Variants in THSD7B observed in about 807,000 individuals in gnomAD.
THSD7B encodes thrombospondin type 1 domain containing 7B.
Under a neutral mutation model 213.6 loss-of-function variants are expected in THSD7B, and 138 were observed. That is an observed-to-expected ratio of 0.65 (90% CI 0.56 to 0.74). The LOEUF (loss-of-function observed/expected upper bound fraction) is 0.74, where lower values mean the gene tolerates loss of function less well. Among genes scored for constraint, THSD7B ranks in the 30% least tolerant of loss-of-function variants. THSD7B has a pLI of 0.00. For missense variants in THSD7B, 1,931 were observed against 1,991.5 expected (o/e 0.97, Z 0.58); for synonymous variants, 742 against 687.0 (o/e 1.08, Z -1.25).
intron 12 of THSD7B, among the ~76,000 whole-genome samples, chr2:137,363,668 C>A (rs1190833215): frequency 2.0e-5 from 3 of 152,158 alleles, no homozygotes; most frequent in African/African-American, 7.2e-5. Flanking sequence ...AACACATACA[C>A]CCTCCCAAGG....
intron 2 of THSD7B, among the ~76,000 whole-genome samples, chr2:137,018,011 G>C (rs148994718): frequency 1.3e-5 from 2 of 150,490 alleles, no homozygotes; most frequent in African/African-American, 4.9e-5. Context: ...AGCTTCTTTG[G>C]AGTTGATCCT....
At chr2:137,023,692 G>A (rs1004505612) in intron 2 of THSD7B, among the ~76,000 whole-genome samples, 6 of 145,372 alleles carry the variant, frequency 4.1e-5, no homozygotes, top group African/African-American at 7.4e-5. Context: ...TAAAAGGCCC[G>A]AGGACAGGAG....
intron 3 of THSD7B, among the ~76,000 whole-genome samples, chr2:137,064,146 T>C (rs1306328959): frequency 6.6e-6 from 1 of 151,992 alleles, no homozygotes; most frequent in African/African-American, 2.4e-5. Flanking sequence ...ATTCCCTTTT[T>C]TCCACATCCT....
chr2:137,216,281 AC>A (rs1487860310), intron 7 of THSD7B, among the ~76,000 whole-genome samples: 2 of 4,184 alleles, frequency 4.8e-4, no homozygotes, highest in South Asian at 0.018. Context: ...CCCGCCCCCC[AC>A]CCCCCTGCAT....
At chr2:137,089,319 C>CAT (rs149556455) in intron 3 of THSD7B, among the ~76,000 whole-genome samples, 16 of 115,260 alleles carry the variant, frequency 1.4e-4, no homozygotes, top group South Asian at 1.3e-3. Flanking sequence ...TGTATATATA[C>CAT]ATATATGTGT....
At chr2:137,055,374 C>T (rs777567792) in intron 2 of THSD7B, among the ~76,000 whole-genome samples, 11 of 152,154 alleles carry the variant, frequency 7.2e-5, no homozygotes, top group Admixed American at 2.0e-4. Context: ...CACTGTCTTT[C>T]ACTATGGTTG....
At chr2:137,289,169 GT>G (rs1214319008) in intron 12 of THSD7B, among the ~76,000 whole-genome samples, 3 of 151,404 alleles carry the variant, frequency 2.0e-5, no homozygotes, top group African/African-American at 7.3e-5. Flanking sequence ...TACAAGACAT[GT>G]TTTTTTTAAA....
intron 2 of THSD7B, among the ~76,000 whole-genome samples, chr2:137,006,583 C>T (rs1686117780): frequency 6.6e-6 from 1 of 152,174 alleles, no homozygotes; most frequent in Non-Finnish European, 1.5e-5. Flanking sequence ...CCTGTTCACA[C>T]TCCATTATCA....
At chr2:137,448,352 A>G (rs573963419) in intron 14 of THSD7B, among the ~76,000 whole-genome samples, 139 of 152,298 alleles carry the variant, frequency 9.1e-4, no homozygotes, top group African/African-American at 3.1e-3. Context: ...TGAAGCAGGG[A>G]GGCTAAGCTG....
intron 7 of THSD7B, among the ~76,000 whole-genome samples, chr2:137,195,097 G>A (rs1680731065): frequency 6.6e-6 from 1 of 151,858 alleles, no homozygotes; most frequent in Non-Finnish European, 1.5e-5. Flanking sequence ...AATAATAAGG[G>A]ACCCTGTTCA....
At chr2:136,870,334 G>T (rs192019192) in intron 1 of THSD7B, among the ~76,000 whole-genome samples, 2 of 152,106 alleles carry the variant, frequency 1.3e-5, no homozygotes, top group Non-Finnish European at 2.9e-5. Context: ...AAACTTCCTC[G>T]AAAAAATTAT....
chr2:137,109,655 CTCCT>C (rs1688312616), intron 4 of THSD7B, among the ~76,000 whole-genome samples: 1 of 152,120 alleles, frequency 6.6e-6, no homozygotes, highest in Non-Finnish European at 1.5e-5. Context: ...AGGGTTTGCA[CTCCT>C]GTGAGAATCT....
At chr2:137,662,334 TG>T (rs898752526) in intron 25 of THSD7B, among the ~76,000 whole-genome samples, 7 of 150,690 alleles carry the variant, frequency 4.6e-5, no homozygotes, top group African/African-American at 1.5e-4. Flanking sequence ...CCACCCGCCT[TG>T]GCCTCCCAAA....
chr2:136,807,512 T>G (rs1183757369), intron 1 of THSD7B, among the ~76,000 whole-genome samples: 3 of 137,862 alleles, frequency 2.2e-5, no homozygotes, highest in Non-Finnish European at 4.7e-5. Flanking sequence ...ATGTTTCGTT[T>G]TTTTTTTTTT....
intron 14 of THSD7B, among the ~76,000 whole-genome samples, chr2:137,436,490 G>C (rs990092859): frequency 6.6e-6 from 1 of 152,150 alleles, no homozygotes; most frequent in African/African-American, 2.4e-5. Flanking sequence ...AACTGCCTCT[G>C]TTCCTGCTGC....
intron 1 of THSD7B, among the ~76,000 whole-genome samples, chr2:136,866,236 T>C (rs542497821): frequency 6.6e-6 from 1 of 152,248 alleles, no homozygotes; most frequent in African/African-American, 2.4e-5. Context: ...GTATTTAGAT[T>C]GTCATTTTTG....
chr2:137,410,534 G>T (rs961231339), intron 13 of THSD7B, among the ~76,000 whole-genome samples: 1 of 152,132 alleles, frequency 6.6e-6, no homozygotes, highest in Non-Finnish European at 1.5e-5. Context: ...CTCCCAAAGT[G>T]CTGGGATTAC....
chr2:137,244,771 C>T (rs1171989558), intron 10 of THSD7B, among the ~76,000 whole-genome samples: 3 of 152,182 alleles, frequency 2.0e-5, no homozygotes, highest in Middle Eastern at 3.4e-3. Flanking sequence ...TTCCAGCTTT[C>T]CATTTCAATC....
chr2:137,379,741 G>A (rs1268255055), intron 12 of THSD7B, among the ~76,000 whole-genome samples: 2 of 152,174 alleles, frequency 1.3e-5, no homozygotes, highest in Non-Finnish European at 2.9e-5. Flanking sequence ...TAAAGTCAGG[G>A]GGAAGAGCTG....
Sources: gnomAD v4.1 joint callset for allele counts (sites outside exome capture counted in the v4.1 genomes callset) on GRCh38, gnomAD v4.1.1 for gene constraint, MANE v1.5 for transcripts, NCBI Gene and HGNC (gene_info 2026-07-23, HGNC 2026-07-21) for gene names.